The following NOX1 variants were observed in gnomAD, a reference collection of about 807,000 sequenced individuals.
NOX1 encodes the protein NADPH oxidase 1, also known as NADH/NADPH mitogenic oxidase subunit P65-MOX.
Under a neutral mutation model 42.5 loss-of-function variants are expected in NOX1, and 34 were observed. That is an observed-to-expected ratio of 0.80 (90% CI 0.61 to 1.07). The LOEUF (loss-of-function observed/expected upper bound fraction) is 1.07, where lower values mean the gene tolerates loss of function less well. Ranked by LOEUF, NOX1 falls within the 50% of genes least tolerant of loss-of-function variation. NOX1 has a pLI of 0.00. For missense variants in NOX1, 408 were observed against 427.0 expected, an observed-to-expected ratio of 0.96 and a Z score of 0.39; for synonymous variants, 143 against 152.5, an observed-to-expected ratio of 0.94 and a Z score of 0.46.
In NOX1 at chrX:100,862,703, C is replaced by T. The variant is rs145552525; in HGVS notation, c.455G>A (p.Gly152Asp). Residue 152 changes from glycine to aspartate, a missense_variant, in exon 5 of 13, where the codon GGT becomes GAT. Transcript: ENST00000372966. ...GGACTGGATGGGATTTAGCCAAGAA[C>T]CCCCCTTTTTCTCATCATGAGATAG... ...SSLSHDEKKG[G>D]SWLNPIQSRN... The T allele has an allele frequency of 7.1e-5, 85 of 1,193,599 alleles. No homozygotes were observed. The highest frequency in any genetic ancestry group is 5.5e-4 in the African/African-American group (31 of 56,187).
At position 100,850,169 on chromosome X, in the gene NOX1, T is replaced by C. The variant is rs747350924; in HGVS notation, c.1115A>G (p.Gln372Arg). ...GACCTACCTGGGAATTGGTGAATATTGTTGTTCGAAAGCCCTTATGAGATT... is the reference window on the plus strand; with the variant it reads ...GACCTACCTGGGAATTGGTGAATATCGTTGTTCGAAAGCCCTTATGAGATT... ...TENLIRAFEQ[Q>R]YSPIPRIEVD... The change falls in exon 9 of 13, where the codon CAA (glutamine) becomes CGA (arginine). Residue 372 changes from glutamine to arginine, a missense_variant. By Grantham distance (43) the Gln-to-Arg change is conservative. Transcript: ENST00000372966. 7.5e-6 allele frequency: 9 copies of C among 1,207,903 alleles called. No homozygotes were observed. In the Admixed American group the frequency reaches 2.0e-4, roughly 26 times the overall value.
rs186271255 is a variant in NOX1 at position 100,846,723 on chromosome X, A to G, written c.1568+1907T>C. 2.7e-5 allele frequency among the ~76,000 whole-genome samples: 3 copies of G among 112,584 alleles called. No individual in the cohort carries two copies. The East Asian group carries it at 8.3e-4, about 31-fold the overall frequency. On this transcript the variant is annotated intron_variant, in intron 12 of 12. Coordinates refer to ENST00000372966, the MANE Select transcript of NOX1 (RefSeq NM_007052.5). ...GATAATTAGCATCTTTTATGCTTAT[A>G]TGCTGCTTTAAAATTTACAAAGCAT...
rs1165045353 is a variant in NOX1 at position 100,863,104 on chromosome X, G to T, written c.337+55C>A. On this transcript the variant is annotated intron_variant, in intron 4 of 12. Transcript: ENST00000372966. The stretch of plus-strand genomic sequence containing the variant: ...TGAATGTGCATATGGATGGATGAAT[G>T]AAGCAAGATTCTGAATGCCCTGGAG... The T allele has an allele frequency of 3.7e-5, 33 of 901,008 alleles. No individual in the cohort carries two copies. The East Asian group carries it at 9.6e-4, about 26-fold the overall frequency. 74.3% of individuals were successfully genotyped at this position (901,008 alleles called of 1,213,427 possible).
chrX:100,845,501 G>A (rs1426994246), intron 12 of NOX1, among the ~76,000 whole-genome samples: 1 of 109,276 alleles, frequency 9.2e-6, no homozygotes, highest in Non-Finnish European at 1.9e-5. Flanking sequence ...GGGCTATTAT[G>A]AGTAATGCTG....
chrX:100,848,244 G>A (rs771951347), intron 12 of NOX1, among the ~76,000 whole-genome samples: 1 of 110,812 alleles, frequency 9.0e-6, no homozygotes, highest in African/African-American at 3.3e-5. Flanking sequence ...TCTTAAGAGT[G>A]TTCAACATGT....
chrX:100,848,931 C>T (rs1244524503), intron 11 of NOX1, among the ~76,000 whole-genome samples, 177 bp from the exon 12 acceptor site: 1 of 111,726 alleles, frequency 9.0e-6, no homozygotes, highest in Non-Finnish European at 1.9e-5. Flanking sequence ...TCAAAATTAG[C>T]TGGGCATGGT....
In NOX1 at chrX:100,863,164, T is replaced by G; in HGVS notation, c.332A>C (p.His111Pro). ...TCATGGATTGCCTGAGTTACCTGTA[T>G]GTAGGCAGATCATATAGGCCACCAG... ...HKLVAYMICLHTAIHIIAHLF... is the reference protein window; with the variant it reads ...HKLVAYMICLPTAIHIIAHLF... Residue 111 changes from histidine (H) to proline (P), a missense_variant, in exon 4 of 13, where the codon CAT (histidine) becomes CCT (proline). Physicochemically the swap from His to Pro is moderately conservative, Grantham distance 77. Transcript: ENST00000372966. 1 of 1,193,214 alleles carries G rather than the reference T, an allele frequency of 8.4e-7. No homozygotes were observed. Among genetic ancestry groups the G allele is most frequent in the Non-Finnish European group, 1.1e-6 (1 of 879,940 alleles).
intron 7 of NOX1, among the ~76,000 whole-genome samples, chrX:100,857,536 A>G (rs999255938): frequency 1.3e-4 from 14 of 111,687 alleles, no homozygotes; most frequent in Admixed American, 4.8e-4. Flanking sequence ...CCTCACCAAC[A>G]TCTGTTATTT....
intron 2 of NOX1, among the ~76,000 whole-genome samples, chrX:100,866,436 AC>A (rs2085238060): frequency 9.1e-6 from 1 of 109,346 alleles, no homozygotes; most frequent in Admixed American, 9.9e-5. Flanking sequence ...CACCTCAAAA[AC>A]AAAACCTGCG....
intron 12 of NOX1, among the ~76,000 whole-genome samples, chrX:100,845,793 C>CT (rs35998471): frequency 5.9e-4 from 54 of 91,239 alleles, no homozygotes; most frequent in African/African-American, 1.6e-3. Flanking sequence ...TTCTTTTCAC[C>CT]TTTTTTTTTT....
intron 2 of NOX1, among the ~76,000 whole-genome samples, chrX:100,865,356 T>C (rs2085230687): frequency 8.9e-6 from 1 of 112,922 alleles, no homozygotes; most frequent in South Asian, 3.6e-4. Context: ...TATTCTGTGG[T>C]GGCTATCTGT....
chrX:100,850,151 C>T lies in NOX1; in HGVS notation c.1133G>A (p.Arg378Lys), dbSNP rs35404864. The T allele has an allele frequency of 4.6e-3, 5,580 of 1,200,942 alleles. 145 individuals carry two copies. The African/African-American group carries it at 0.08, about 17-fold the overall frequency. ...AFEQQYSPIPRIEVDGPFGTA... is the reference protein window; with the variant it reads ...AFEQQYSPIPKIEVDGPFGTA... ...GACTCTCCTGGTCTCAAGGACCTAC[C>T]TGGGAATTGGTGAATATTGTTGTTC... The change falls in exon 9 of 13, where the codon AGG becomes AAG. Residue 378 changes from arginine to lysine, a missense_variant and splice_region_variant. Transcript: ENST00000372966.
intron 11 of NOX1, among the ~76,000 whole-genome samples, chrX:100,849,035 C>T (rs1197365601): frequency 1.8e-5 from 2 of 110,498 alleles, no homozygotes; most frequent in Non-Finnish European, 3.8e-5. Context: ...AAGATCGCAC[C>T]ATTGCACTCC....
Position 100,845,462 on chromosome X carries a change from T to C in NOX1, c.1569-1384A>G, listed in dbSNP as rs1325015769. Reference sequence around the variant, plus strand: ...ACATTTGCTTCATCCATTCATCTATTGATGGATGCTTGGCTTGTTTTCACT... The same window carrying C: ...ACATTTGCTTCATCCATTCATCTATCGATGGATGCTTGGCTTGTTTTCACT... On this transcript the variant is annotated intron_variant, in intron 12 of 12. Transcript: ENST00000372966. Among the ~76,000 whole-genome samples the C allele has an allele frequency of 9.0e-5, 10 of 110,922 alleles. No individual in the cohort carries two copies. The Admixed American group carries it at 9.6e-4, about 11-fold the overall frequency.
At position 100,850,259 on chromosome X, in the gene NOX1, A is replaced by G. The variant is rs754179284; in HGVS notation, c.1025T>C (p.Leu342Ser). 5.8e-6 allele frequency: 7 copies of G among 1,210,183 alleles called. No individual in the cohort carries two copies. In the South Asian group the frequency reaches 1.2e-4, roughly 21 times the overall value. The change falls in exon 9 of 13, where the codon TTG becomes TCG. Residue 342 changes from leucine (L) to serine (S), a missense_variant. Physicochemically the swap from Leu to Ser is moderately radical, Grantham distance 145. Transcript: ENST00000372966. ...ISLLEWHPFT[L>S]TSAPEEDFFS... is the part of the protein sequence containing the mutation. ...GAAATCTTCCTCTGGAGCAGAGGTC[A>G]AAGTAAAAGGATGCCATTCCAGGAG...
At chrX:100,847,097 G>T (rs2085078801) in intron 12 of NOX1, among the ~76,000 whole-genome samples, 1 of 112,039 alleles carries the variant, frequency 8.9e-6, no homozygotes, top group South Asian at 3.8e-4. Flanking sequence ...GCTGAGGCAG[G>T]AGAACTGCTT....
intron 7 of NOX1, among the ~76,000 whole-genome samples, chrX:100,861,299 T>A (rs2085202138): frequency 8.9e-6 from 1 of 111,801 alleles, no homozygotes; most frequent in South Asian, 3.8e-4. Flanking sequence ...TCCTGCTGAA[T>A]TAAAATGCCA....
At position 100,862,454 on chromosome X, in the gene NOX1, G is replaced by C. The variant is rs1472618795; in HGVS notation, c.609C>G (p.Val203=). Residue 203 remains valine (V), a synonymous_variant, in exon 6 of 13, where the codon GTC becomes GTG. Coordinates refer to ENST00000372966, the MANE Select transcript of NOX1 (RefSeq NM_007052.5). The part of the protein sequence containing the change: ...TEFIRRSYFE[V]FWYTHHLFIF... ...TAAAAAGGTGGTGAGTATACCAGAA[G>C]ACTTCAAAATAACTCCTCCGGATGA... 1.7e-6 allele frequency: 2 copies of C among 1,208,803 alleles called. No homozygotes were observed. Among genetic ancestry groups the C allele is most frequent in the Non-Finnish European group, 2.2e-6 (2 of 894,100 alleles).
chrX:100,865,639 C>T lies in NOX1; in HGVS notation c.142-2044G>A, dbSNP rs1012180007. 1.3e-4 allele frequency among the ~76,000 whole-genome samples: 15 copies of T among 112,772 alleles called. 1 individual carries two copies. The highest frequency in any genetic ancestry group is 2.4e-4 in the Non-Finnish European group (13 of 53,356). ...TGTGGAATGTTTCAATAAATTATGG[C>T]ATATCAATGCAATGAATTGTTATTC... On this transcript the variant is annotated intron_variant, in intron 2 of 12. Transcript: ENST00000372966.
Sources: allele counts gnomAD v4.1 joint callset (sites outside exome capture counted in the v4.1 genomes callset), GRCh38; gene constraint gnomAD v4.1.1; transcripts MANE v1.5; gene names NCBI Gene and HGNC (gene_info 2026-07-23, HGNC 2026-07-21).